The following CFAP418 variants were observed in gnomAD, a reference collection of about 807,000 sequenced individuals.
CFAP418 encodes cilia- and flagella-associated protein 418.
Under a neutral mutation model 24.7 loss-of-function variants are expected in CFAP418, and 27 were observed. The ratio of observed to expected loss-of-function variants is 1.09; its 90% CI spans 0.81 to 1.51. The LOEUF (loss-of-function observed/expected upper bound fraction) is 1.51. Ranked by LOEUF, CFAP418 falls within the 40% of genes most tolerant of loss-of-function variation. CFAP418 has a pLI of 0.00. For synonymous variants in CFAP418, 74 were observed against 87.3 expected (o/e 0.85, Z 0.85); for missense variants, 257 against 255.2 (o/e 1.01, Z -0.05).
intron 5 of CFAP418, among the ~76,000 whole-genome samples, chr8:95,248,746 A>G (rs1587348232): frequency 6.6e-6 from 1 of 152,168 alleles, no homozygotes; most frequent in African/African-American, 2.4e-5. Context: ...AGAAAAGTAG[A>G]AAAAATTTTT....
At chr8:95,259,415 T>A (rs1811848829) in intron 4 of CFAP418, among the ~76,000 whole-genome samples, 1 of 152,212 alleles carries the variant, frequency 6.6e-6, no homozygotes, top group Non-Finnish European at 1.5e-5. Flanking sequence ...TTGAAATATG[T>A]AAACATGTAA....
At chr8:95,267,537 C>G (rs1348611043) in intron 1 of CFAP418, among the ~76,000 whole-genome samples, 1 of 152,114 alleles carries the variant, frequency 6.6e-6, no homozygotes, top group Non-Finnish European at 1.5e-5. Flanking sequence ...TTGCAGTGAG[C>G]TGAGGTGGGC....
At chr8:95,250,632 G>A (rs1587349352) in intron 5 of CFAP418, among the ~76,000 whole-genome samples, 1 of 152,172 alleles carries the variant, frequency 6.6e-6, no homozygotes, top group Non-Finnish European at 1.5e-5. Flanking sequence ...GTCAGAAAAG[G>A]GAAAGTCAAC....
intron 4 of CFAP418, among the ~76,000 whole-genome samples, chr8:95,256,353 C>G (rs1451121594): frequency 6.6e-6 from 1 of 152,192 alleles, no homozygotes; most frequent in Non-Finnish European, 1.5e-5. Context: ...GAAAGCAGGA[C>G]TAATGGATGA....
intron 4 of CFAP418, 111 bp downstream of exon 4, chr8:95,259,729 A>G (rs909659032): frequency 1.5e-5 from 12 of 789,502 alleles, no homozygotes; most frequent in Admixed American, 8.3e-5. Flanking sequence ...TAATAAAAAT[A>G]CCTCTCCTTA....
chr8:95,260,253 C>T (rs1478034022), intron 3 of CFAP418, among the ~76,000 whole-genome samples: 1 of 152,134 alleles, frequency 6.6e-6, no homozygotes, highest in African/African-American at 2.4e-5. Context: ...AAATTATTTA[C>T]AATAGCAATA....
chr8:95,262,732 T>C (rs1205702473), intron 2 of CFAP418, among the ~76,000 whole-genome samples: 2 of 152,184 alleles, frequency 1.3e-5, no homozygotes, highest in Non-Finnish European at 1.5e-5. Flanking sequence ...ATTCCTCTTC[T>C]AGCTTTATAC....
At chr8:95,267,214 C>G (rs1447311208) in intron 1 of CFAP418, among the ~76,000 whole-genome samples, 2 of 152,218 alleles carry the variant, frequency 1.3e-5, no homozygotes, top group African/African-American at 4.8e-5. Context: ...TTTTAAAATG[C>G]TGCTCAGAAC....
At chr8:95,260,579 CTG>C in intron 2 of CFAP418, 47 bp from the exon 3 acceptor site, 1 of 1,159,674 alleles carries the variant, frequency 8.6e-7, no homozygotes, top group Non-Finnish European at 1.2e-6. Flanking sequence ...ACTTAGAAAA[CTG>C]TAACATGAAA....
chr8:95,266,072 G>A (rs933395100), intron 1 of CFAP418, among the ~76,000 whole-genome samples: 1 of 152,198 alleles, frequency 6.6e-6, no homozygotes, highest in Non-Finnish European at 1.5e-5. Flanking sequence ...ATGTCCTTGT[G>A]ATTTAGCAAT....
intron 1 of CFAP418, among the ~76,000 whole-genome samples, chr8:95,267,294 G>A (rs1489637467): frequency 6.6e-6 from 1 of 152,146 alleles, no homozygotes; most frequent in Non-Finnish European, 1.5e-5. Flanking sequence ...TCTTCGCAGA[G>A]TGAATTTTTA....
In CFAP418 at chr8:95,247,099, A is replaced by G. The variant is rs1279102164; in HGVS notation, c.*518T>C. 1 of 156,114 alleles carries G rather than the reference A, an allele frequency of 6.4e-6. No individual in the cohort carries two copies. The allele number at this position is 156,114 out of a possible 1,614,324, so 9.7% of individuals were successfully genotyped here. On this transcript the variant is annotated 3_prime_UTR_variant, in exon 6 of 6. Coordinates refer to ENST00000286688, the MANE Select transcript of CFAP418 (RefSeq NM_177965.4). ...GGCAGTGTTTTTGCAAAATACCTGT[A>G]ACTACTTCTGAACACCCTTCAGTCA...
chr8:95,257,550 C>G (rs1225800997), intron 4 of CFAP418, among the ~76,000 whole-genome samples: 1 of 152,094 alleles, frequency 6.6e-6, no homozygotes, highest in Non-Finnish European at 1.5e-5. Context: ...AATTAATTTG[C>G]CCCAGTGATG....
rs770651978 is a variant in CFAP418, at chr8:95,269,030, T to C, written c.155+5A>G. 1 of 1,613,652 alleles carries C rather than the reference T, an allele frequency of 6.2e-7. No individual in the cohort carries two copies. The highest frequency in any genetic ancestry group is 8.5e-7 in the Non-Finnish European group (1 of 1,179,768). On this transcript the variant is annotated splice_donor_5th_base_variant and intron_variant, in intron 1 of 5. Coordinates refer to ENST00000286688, the MANE Select transcript of CFAP418 (RefSeq NM_177965.4). ...AGAACAGTCCACCCCTCCCGCCCGG[T>C]TAACCTGAGCGTCTCTTTCGCCTTG...
intron 4 of CFAP418, among the ~76,000 whole-genome samples, 188 bp downstream of exon 4, chr8:95,259,651 TG>T (rs1387607156): frequency 6.6e-6 from 1 of 152,076 alleles, no homozygotes; most frequent in Non-Finnish European, 1.5e-5. Flanking sequence ...ATGAATAATA[TG>T]TACCTAACAT....
intron 1 of CFAP418, among the ~76,000 whole-genome samples, chr8:95,268,248 G>T (rs576720242): frequency 6.6e-6 from 1 of 152,272 alleles, no homozygotes; most frequent in East Asian, 1.9e-4. Flanking sequence ...AGGAGTTCAA[G>T]ACCAGCCTGG....
intron 1 of CFAP418, among the ~76,000 whole-genome samples, chr8:95,266,211 T>A (rs1309862880): frequency 6.6e-6 from 1 of 152,176 alleles, no homozygotes; most frequent in Non-Finnish European, 1.5e-5. Context: ...AAGAGCTCAA[T>A]AAATGTTGGC....
chr8:95,267,572 G>A (rs1012577858), intron 1 of CFAP418, among the ~76,000 whole-genome samples: 1 of 152,200 alleles, frequency 6.6e-6, no homozygotes, highest in Non-Finnish European at 1.5e-5. Flanking sequence ...CTGGGCGACA[G>A]AGCGAAACTC....
chr8:95,266,615 G>T (rs1446407990), intron 1 of CFAP418, among the ~76,000 whole-genome samples: 10 of 152,078 alleles, frequency 6.6e-5, no homozygotes, highest in Admixed American at 6.6e-4. Flanking sequence ...TTTGGCTCAA[G>T]GAAAAATTTT....
Sources: allele counts gnomAD v4.1 joint callset (sites outside exome capture counted in the v4.1 genomes callset), GRCh38; gene constraint gnomAD v4.1.1; transcripts MANE v1.5; gene names NCBI Gene and HGNC (gene_info 2026-07-23, HGNC 2026-07-21).